MAST4: variants seen among roughly 807,000 people sequenced by gnomAD.
The protein encoded by MAST4 is microtubule associated serine/threonine kinase family member 4, also known as microtubule-associated serine/threonine-protein kinase 4.
Under a neutral mutation model 162.7 loss-of-function variants are expected in MAST4, and 89 were observed. That is an observed-to-expected ratio of 0.55 (90% CI 0.46 to 0.65). MAST4 has a LOEUF of 0.65. MAST4 is among the 30% of genes least tolerant of loss of function. The pLI is 0.00. For missense variants in MAST4, 3,153 were observed against 3,374.0 expected (o/e 0.93, Z 1.62); for synonymous variants, 1,479 against 1,361.1 (o/e 1.09, Z -1.91).
intron 2 of MAST4, among the ~76,000 whole-genome samples, chr5:66,770,512 G>C (rs559710872): frequency 9.2e-5 from 14 of 152,260 alleles, no homozygotes; most frequent in Admixed American, 9.2e-4. Flanking sequence ...CCAGACCCAG[G>C]TCACCTGCCA....
rs375719777 is a variant in MAST4 at position 66,976,757 on chromosome 5, CTT to C, written c.674+76777_674+76778del. On this transcript the variant is annotated intron_variant, in intron 4 of 28. Transcript: ENST00000403625. ...GTGATGATTATAATGTGTTATAATT[CTT>C]TACCCATGACCTTTATGAGACTTGT... is the stretch of plus-strand genomic sequence containing the variant. 4.9e-3 allele frequency among the ~76,000 whole-genome samples: 752 copies of C among 152,270 alleles called. 3 individuals are homozygous for C. Among genetic ancestry groups the C allele is most frequent in the African/African-American group, 0.017 (714 of 41,546 alleles).
intron 1 of MAST4, among the ~76,000 whole-genome samples, chr5:66,708,364 A>C (rs1458219674): frequency 6.6e-6 from 1 of 152,166 alleles, no homozygotes; most frequent in African/African-American, 2.4e-5. Context: ...ATTACATGAG[A>C]GTGTGAACAA....
intron 3 of MAST4, among the ~76,000 whole-genome samples, chr5:66,892,690 T>C (rs1389649388): frequency 6.6e-6 from 1 of 151,862 alleles, no homozygotes; most frequent in Non-Finnish European, 1.5e-5. Flanking sequence ...CGTGTATTTA[T>C]TCAAACCTCT....
chr5:66,706,606 TA>T (rs977355433), intron 1 of MAST4, among the ~76,000 whole-genome samples: 14 of 72,464 alleles, frequency 1.9e-4, no homozygotes, highest in African/African-American at 4.6e-4. Context: ...AAAGAAATAG[TA>T]ATTTTTTTTT....
intron 3 of MAST4, among the ~76,000 whole-genome samples, chr5:66,806,174 A>G (rs1320998074): frequency 6.6e-6 from 1 of 152,192 alleles, no homozygotes; most frequent in Non-Finnish European, 1.5e-5. Context: ...ATGTGCTCAA[A>G]GGGAGATGGG....
In MAST4 at chr5:66,746,168, A is replaced by C. The variant is rs144581007; in HGVS notation, c.364-13541A>C. ...TTTTGTGATTCTGTAATTCTATCTT[A>C]AAAATTGCCGCCATAGAAACCCTAG... is the stretch of plus-strand genomic sequence containing the variant. On this transcript the variant is annotated intron_variant, in intron 1 of 28. Coordinates refer to ENST00000403625, the MANE Select transcript of MAST4 (RefSeq NM_001164664.2). Among the ~76,000 whole-genome samples, 4 of 152,322 alleles carry C rather than the reference A, an allele frequency of 2.6e-5. No individual in the cohort carries two copies. The East Asian group carries it at 7.7e-4, about 29-fold the overall frequency.
chr5:66,913,419 A>G (rs1038191977), intron 4 of MAST4, among the ~76,000 whole-genome samples: 1 of 152,198 alleles, frequency 6.6e-6, no homozygotes, highest in South Asian at 2.1e-4. Flanking sequence ...CAGCATAATT[A>G]TTTTGAGATT....
chr5:66,766,151 C>G (rs1216280284), intron 2 of MAST4, among the ~76,000 whole-genome samples: 1 of 152,152 alleles, frequency 6.6e-6, no homozygotes, highest in Non-Finnish European at 1.5e-5. Context: ...ATCTTGAATC[C>G]TGGCTTCTTG....
intron 4 of MAST4, among the ~76,000 whole-genome samples, chr5:66,924,288 T>G (rs1764730763): frequency 6.6e-6 from 1 of 152,184 alleles, no homozygotes. Context: ...AGTAATTATT[T>G]TGGAGAATAA....
At chr5:66,887,328 C>T (rs1347772643) in intron 3 of MAST4, among the ~76,000 whole-genome samples, 1 of 152,194 alleles carries the variant, frequency 6.6e-6, no homozygotes, top group African/African-American at 2.4e-5. Flanking sequence ...ATTCACCAGC[C>T]TTTATGATGC....
At chr5:66,673,516 G>GTTTTTT (rs1422436456) in intron 1 of MAST4, among the ~76,000 whole-genome samples, 2 of 134,784 alleles carry the variant, frequency 1.5e-5, no homozygotes, top group East Asian at 4.2e-4. Flanking sequence ...AGTTTTTTTT[G>GTTTTTT]TTTTTTGTTT....
chr5:66,892,746 G>A (rs1379653725), intron 3 of MAST4, among the ~76,000 whole-genome samples: 1 of 151,986 alleles, frequency 6.6e-6, no homozygotes, highest in African/African-American at 2.4e-5. Context: ...CTCTGACATT[G>A]CCGTGGTGGA....
At chr5:66,870,897 G>A (rs967623845) in intron 3 of MAST4, 14 of 470,288 alleles carry the variant, frequency 3.0e-5, no homozygotes, top group Admixed American at 4.7e-5. Context: ...GCATGGCGGC[G>A]TGGTCCCGCT....
Position 67,164,839 on chromosome 5 carries a change from C to T in MAST4, c.5660C>T (p.Pro1887Leu). 6.2e-7 allele frequency: 1 copy of T among 1,614,004 alleles called. No homozygotes were observed. Among genetic ancestry groups the T allele is most frequent in the Non-Finnish European group, 8.5e-7 (1 of 1,179,890 alleles). Residue 1887 changes from proline (P) to leucine (L), a missense_variant, in exon 29 of 29, where the codon CCA becomes CTA. This residue lies in a region of MAST4 where 1,644 missense variants were observed against 1,495.0 expected (regional missense o/e 1.10). Coordinates refer to ENST00000403625, the MANE Select transcript of MAST4 (RefSeq NM_001164664.2). The surrounding 1 kb of genome is among the most constrained non-coding windows in gnomAD (Gnocchi z 5.3). ...LPPSRGLQNSPAVSLPDPEFK... is the reference protein window; with the variant it reads ...LPPSRGLQNSLAVSLPDPEFK... ...CCCAGCCGAGGTCTCCAGAATTCACCAGCAGTTTCCCTGCCTGACCCAGAG... is the reference window on the plus strand; with the variant it reads ...CCCAGCCGAGGTCTCCAGAATTCACTAGCAGTTTCCCTGCCTGACCCAGAG...
chr5:66,780,726 T>C (rs1754829117), intron 2 of MAST4, among the ~76,000 whole-genome samples: 1 of 146,088 alleles, frequency 6.8e-6, no homozygotes, highest in Admixed American at 6.7e-5. Flanking sequence ...GATTTGTCCA[T>C]TTTACAGAGT....
chr5:67,165,439 T>C lies in MAST4; in HGVS notation c.6260T>C (p.Leu2087Pro). Reference sequence around the variant, plus strand: ...GTGGAACCCAAGCCCGAAGCGCTTCTTGCCAGGCGGTCTCTGCAGCCACCT... The same window carrying C: ...GTGGAACCCAAGCCCGAAGCGCTTCCTGCCAGGCGGTCTCTGCAGCCACCT... ...RGVEPKPEAL[L>P]ARRSLQPPGI... is the part of the protein sequence containing the mutation. The change falls in exon 29 of 29, where the codon CTT becomes CCT. Residue 2087 changes from leucine to proline, a missense_variant. Leu to Pro is a moderately conservative substitution (Grantham distance 98). Transcript: ENST00000403625. 1 of 1,613,854 alleles carries C rather than the reference T, an allele frequency of 6.2e-7. No individual in the cohort carries two copies. The highest frequency in any genetic ancestry group is 8.5e-7 in the Non-Finnish European group (1 of 1,179,888).
At chr5:67,084,300 AAAGT>A (rs1429727289) in intron 5 of MAST4, among the ~76,000 whole-genome samples, 2 of 152,214 alleles carry the variant, frequency 1.3e-5, no homozygotes, top group African/African-American at 4.8e-5. Flanking sequence ...GTTTTCTTAA[AAAGT>A]AAGTATGTTT....
At chr5:66,737,483 C>T (rs867208604) in intron 1 of MAST4, among the ~76,000 whole-genome samples, 5 of 152,186 alleles carry the variant, frequency 3.3e-5, no homozygotes, top group Non-Finnish European at 5.9e-5. Context: ...GAGGGTACTA[C>T]CTCTTGAAAA....
intron 16 of MAST4, among the ~76,000 whole-genome samples, chr5:67,132,725 A>G (rs1020410146): frequency 5.9e-5 from 9 of 152,134 alleles, no homozygotes; most frequent in African/African-American, 1.9e-4. Context: ...TAAAAGCATT[A>G]CATATTAATA....
Sources: allele counts gnomAD v4.1 joint callset (sites outside exome capture counted in the v4.1 genomes callset), GRCh38; gene constraint gnomAD v4.1.1; regional missense constraint gnomAD v4.1.1; non-coding constraint Gnocchi (gnomAD v3.1); transcripts MANE v1.5; gene names NCBI Gene and HGNC (gene_info 2026-07-23, HGNC 2026-07-21).